The following DNAJC8 variants were observed in gnomAD, a reference collection of about 807,000 sequenced individuals.
DNAJC8 encodes dnaJ homolog subfamily C member 8.
In DNAJC8, 24 loss-of-function variants were observed where a neutral mutation model predicts 43.2. The observed-to-expected ratio is 0.56, with a 90% CI of 0.40 to 0.78. The LOEUF (loss-of-function observed/expected upper bound fraction) is 0.78, where lower values mean the gene tolerates loss of function less well. Ranked by LOEUF, DNAJC8 falls within the 30% of genes least tolerant of loss-of-function variation. The pLI is 0.00. For synonymous variants in DNAJC8, 83 were observed against 98.0 expected, an observed-to-expected ratio of 0.85 and a Z score of 0.90; for missense variants, 207 against 299.4, an observed-to-expected ratio of 0.69 and a Z score of 2.28.
chr1:28,211,834 A>C (rs563999026), intron 3 of DNAJC8, among the ~76,000 whole-genome samples: 1 of 152,230 alleles, frequency 6.6e-6, no homozygotes, highest in Admixed American at 6.5e-5. Flanking sequence ...ATTTACAATG[A>C]TTCAGCCAAA....
rs370942935 is a variant in DNAJC8 at position 28,201,246 on chromosome 1, G to A, written c.*2C>T. The A allele has an allele frequency of 8.1e-6, 13 of 1,611,870 alleles. No individual in the cohort carries two copies. The highest frequency in any genetic ancestry group is 5.3e-5 in the African/African-American group (4 of 74,822). On this transcript the variant is annotated 3_prime_UTR_variant, in exon 9 of 9. Transcript: ENST00000263697. ...AGGTTCTGTGCCTGTGACCTTGGGC[G>A]GTCACTCACGTTGCTCCATTTTTAC... is the stretch of plus-strand genomic sequence containing the variant.
rs1257416375 is a variant in DNAJC8 at position 28,212,214 on chromosome 1, TAA to T, written c.238-1579_238-1578del. 1.0e-3 allele frequency among the ~76,000 whole-genome samples: 118 copies of T among 113,504 alleles called. 4 individuals carry two copies. The highest frequency in any genetic ancestry group is 3.7e-3 in the African/African-American group (106 of 28,338). The allele number at this position is 113,504 out of a possible 152,430, so 74.5% of individuals were successfully genotyped here. Reference sequence around the variant, plus strand: ...ATATATATATATATATATATATATATAAATGAAATTAACTATTCAATATAGAT... The same window carrying T: ...ATATATATATATATATATATATATATATGAAATTAACTATTCAATATAGAT... On this transcript the variant is annotated intron_variant, in intron 3 of 8. Transcript: ENST00000263697.
In DNAJC8 at chr1:28,232,904, C is replaced by G. The variant is rs1351381672; in HGVS notation, c.78+17G>C. On this transcript the variant is annotated intron_variant, in intron 1 of 8. Coordinates refer to ENST00000263697, the MANE Select transcript of DNAJC8 (RefSeq NM_014280.3). ...GAGCGGTCGCCCCGGTGCCACTACT[C>G]CTCACTCTGTGTTCACCTCACTGTA... 1.6e-5 allele frequency: 25 copies of G among 1,612,142 alleles called. No individual in the cohort carries two copies. Among genetic ancestry groups the G allele is most frequent in the Non-Finnish European group, 2.1e-5 (25 of 1,179,848 alleles).
In DNAJC8 at chr1:28,201,377, A is replaced by G; in HGVS notation, c.640-7T>C. 1 of 1,613,860 alleles carries G rather than the reference A, an allele frequency of 6.2e-7. No homozygotes were observed. Among genetic ancestry groups the G allele is most frequent in the Non-Finnish European group, 8.5e-7 (1 of 1,180,018 alleles). Reference sequence around the variant, plus strand: ...CACGACCATCTCGACTTTCCTAAGTACAAAAGAAGTTTGAGGTGAGGAGAC... The same window carrying G: ...CACGACCATCTCGACTTTCCTAAGTGCAAAAGAAGTTTGAGGTGAGGAGAC... On this transcript the variant is annotated splice_polypyrimidine_tract_variant and splice_region_variant and intron_variant, in intron 8 of 8. Coordinates refer to ENST00000263697, the MANE Select transcript of DNAJC8 (RefSeq NM_014280.3).
rs147272528 is a variant in DNAJC8, at chr1:28,201,116, G to A, written c.*132C>T. 8.8e-4 allele frequency: 1,137 copies of A among 1,295,996 alleles called. 16 individuals are homozygous for A. The African/African-American group carries it at 0.015, about 17-fold the overall frequency. 80.3% of individuals were successfully genotyped at this position (1,295,996 alleles called of 1,614,324 possible). The stretch of plus-strand genomic sequence containing the variant: ...GAATTACTCTGATCGATATTAAATC[G>A]TATTGAAAACAAAATGGACTAAAAA... On this transcript the variant is annotated 3_prime_UTR_variant, in exon 9 of 9. Transcript: ENST00000263697.
chr1:28,214,379 C>T (rs1429001849), intron 3 of DNAJC8, among the ~76,000 whole-genome samples: 1 of 151,970 alleles, frequency 6.6e-6, no homozygotes, highest in Admixed American at 6.6e-5. Flanking sequence ...TACCAAAATA[C>T]AAAAATTAGC....
At chr1:28,208,201 A>G in intron 6 of DNAJC8, 141 bp downstream of exon 6, 2 of 568,520 alleles carry the variant, frequency 3.5e-6, no homozygotes, top group Non-Finnish European at 2.8e-6. Context: ...AGTGAAACTC[A>G]GTCTCAAAAA....
chr1:28,207,429 T>C (rs1557706098), intron 6 of DNAJC8, among the ~76,000 whole-genome samples: 1 of 142,990 alleles, frequency 7.0e-6, no homozygotes. Context: ...TCAAATAAAA[T>C]GTTTGTTGTT....
intron 2 of DNAJC8, among the ~76,000 whole-genome samples, chr1:28,215,464 A>G (rs964242695): frequency 1.3e-5 from 2 of 152,220 alleles, no homozygotes; most frequent in Non-Finnish European, 2.9e-5. Context: ...ACCTGTGAGC[A>G]ATGGCTGGCC....
At chr1:28,203,965 T>TATGAGCCCTTTC in intron 7 of DNAJC8, 143 bp from the exon 8 acceptor site, 1 of 773,438 alleles carries the variant, frequency 1.3e-6, no homozygotes, top group Non-Finnish European at 2.1e-6. Flanking sequence ...TGGAAAGGGC[T>TATGAGCCCTTTC]CATAGCATTT....
At chr1:28,205,151 T>C in intron 7 of DNAJC8, 107 bp downstream of exon 7, 1 of 798,260 alleles carries the variant, frequency 1.3e-6, no homozygotes, top group Non-Finnish European at 1.9e-6. Flanking sequence ...TTTTATAGTC[T>C]CTTAAATGGT....
intron 2 of DNAJC8, among the ~76,000 whole-genome samples, chr1:28,227,621 G>A (rs1646945599): frequency 6.6e-6 from 1 of 151,930 alleles, no homozygotes; most frequent in South Asian, 2.1e-4. Context: ...ATCGTATTGA[G>A]CTGAGCCAGG....
At chr1:28,229,602 C>T (rs1206430861) in intron 1 of DNAJC8, among the ~76,000 whole-genome samples, 2 of 151,852 alleles carry the variant, frequency 1.3e-5, no homozygotes, top group East Asian at 1.9e-4. Context: ...GGTGAAACCC[C>T]GTCTCTACTA....
At chr1:28,212,533 C>CA (rs928731825) in intron 3 of DNAJC8, among the ~76,000 whole-genome samples, 7 of 151,558 alleles carry the variant, frequency 4.6e-5, no homozygotes, top group African/African-American at 1.7e-4. Flanking sequence ...CTGCCCGACT[C>CA]AATGTCCCAA....
chr1:28,228,770 A>T (rs77508142), intron 2 of DNAJC8, 152 bp downstream of exon 2: 28,543 of 591,022 alleles, frequency 0.048, 895 homozygotes, highest in Middle Eastern at 0.068. Flanking sequence ...AGGAATACTC[A>T]ATTTTGTACT....
At chr1:28,231,693 G>T (rs1001682989) in intron 1 of DNAJC8, among the ~76,000 whole-genome samples, 16 of 150,856 alleles carry the variant, frequency 1.1e-4, no homozygotes, top group African/African-American at 3.7e-4. Flanking sequence ...CCAGGCCTGG[G>T]CAACAAGAGC....
rs922098874 is a variant in DNAJC8, at chr1:28,226,528, T to C, written c.180+2394A>G. On this transcript the variant is annotated intron_variant, in intron 2 of 8. Transcript: ENST00000263697. ...AAAAAAATTTTAGAAAGAAATAAAC[T>C]AGCTAAACTATTCCACAATAAAGAA... Among the ~76,000 whole-genome samples, 5 of 151,192 alleles carry C rather than the reference T, an allele frequency of 3.3e-5. 1 individual carries two copies. The highest frequency in any genetic ancestry group is 1.3e-4 in the Admixed American group (2 of 15,118).
At chr1:28,232,788 C>T (rs1354077632) in intron 1 of DNAJC8, 133 bp downstream of exon 1, 1 of 910,422 alleles carries the variant, frequency 1.1e-6, no homozygotes, top group Non-Finnish European at 1.7e-6. Flanking sequence ...CACCCCCAGA[C>T]CCCCGCCACC....
At chr1:28,223,517 G>A (rs79452751) in intron 2 of DNAJC8, among the ~76,000 whole-genome samples, 6,328 of 152,178 alleles carry the variant, frequency 0.042, 194 homozygotes, top group Middle Eastern at 0.085. Context: ...CAGAGGGAAG[G>A]AGTGGCAGTG....
Sources: gnomAD v4.1 joint callset for allele counts (sites outside exome capture counted in the v4.1 genomes callset) on GRCh38, gnomAD v4.1.1 for gene constraint, MANE v1.5 for transcripts, NCBI Gene and HGNC (gene_info 2026-07-23, HGNC 2026-07-21) for gene names.